USP28: variants seen among roughly 807,000 people sequenced by gnomAD.
The protein encoded by USP28 is ubiquitin specific peptidase 28, also known as ubiquitin carboxyl-terminal hydrolase 28.
A neutral mutation model predicts 145.0 loss-of-function variants in USP28; 113 were observed. The ratio of observed to expected loss-of-function variants is 0.78; its 90% CI spans 0.67 to 0.91. The LOEUF is 0.91. Among genes scored for constraint, USP28 ranks in the 40% least tolerant of loss-of-function variants. The pLI is 0.00. For missense variants in USP28, 1,201 were observed against 1,289.6 expected (o/e 0.93, Z 1.05); for synonymous variants, 447 against 450.9 (o/e 0.99, Z 0.11).
intron 1 of USP28, among the ~76,000 whole-genome samples, chr11:113,873,018 T>C (rs954331330): frequency 7.9e-5 from 12 of 152,136 alleles, no homozygotes; most frequent in African/African-American, 2.9e-4. Flanking sequence ...AACTGACCAA[T>C]AAGGGAAGGG....
intron 18 of USP28, chr11:113,807,958 T>C: frequency 3.6e-6 from 4 of 1,121,982 alleles, no homozygotes; most frequent in Non-Finnish European, 4.4e-6. Context: ...TACCTCCTCA[T>C]CATATCCATC....
At chr11:113,809,328 G>A (rs1940580931) in intron 16 of USP28, 74 bp from the exon 17 acceptor site, 5 of 1,438,150 alleles carry the variant, frequency 3.5e-6, no homozygotes, top group African/African-American at 2.8e-5. Flanking sequence ...AAGAAAGCAG[G>A]GTATTTCATC....
intron 19 of USP28, among the ~76,000 whole-genome samples, chr11:113,805,987 G>A (rs546842914): frequency 1.3e-5 from 2 of 152,084 alleles, no homozygotes; most frequent in East Asian, 1.9e-4. Flanking sequence ...GGAATGCAGT[G>A]GCACAATCAT....
At chr11:113,856,931 T>G (rs1208085278) in intron 1 of USP28, among the ~76,000 whole-genome samples, 1 of 152,188 alleles carries the variant, frequency 6.6e-6, no homozygotes, top group Non-Finnish European at 1.5e-5. Context: ...ATTTTAAAAA[T>G]CTGCTTGTCC....
At chr11:113,811,679 CTA>C (rs1346892508) in intron 16 of USP28, among the ~76,000 whole-genome samples, 2 of 150,432 alleles carry the variant, frequency 1.3e-5, no homozygotes, top group African/African-American at 4.9e-5. Flanking sequence ...CAAAGCAAGA[CTA>C]TGTCTCAAAA....
intron 3 of USP28, among the ~76,000 whole-genome samples, chr11:113,842,134 A>T (rs555895078): frequency 6.6e-6 from 1 of 152,352 alleles, no homozygotes; most frequent in East Asian, 1.9e-4. Flanking sequence ...CATACAAAAT[A>T]TTCCAGAGAA....
chr11:113,855,824 T>C (rs542138399), intron 1 of USP28, among the ~76,000 whole-genome samples: 5 of 152,220 alleles, frequency 3.3e-5, no homozygotes, highest in Admixed American at 2.6e-4. Context: ...GGCAGGAGAA[T>C]TGCTTGAACC....
rs546475587 is a variant in USP28 at position 113,854,248 on chromosome 11, G to A, written c.135+10C>T. Reference sequence around the variant, plus strand: ...AAAGCCTCCTGACTAACAGAGATCTGGAAACCAACCTTCAGAGCTTCATGG... The same window carrying A: ...AAAGCCTCCTGACTAACAGAGATCTAGAAACCAACCTTCAGAGCTTCATGG... On this transcript the variant is annotated intron_variant, in intron 2 of 24. Transcript: ENST00000003302. The A allele has an allele frequency of 1.2e-6, 2 of 1,610,364 alleles. No homozygotes were observed. Among genetic ancestry groups the A allele is most frequent in the African/African-American group, 1.4e-5 (1 of 73,266 alleles).
intron 19 of USP28, among the ~76,000 whole-genome samples, chr11:113,806,009 AC>A (rs1308632118): frequency 1.3e-5 from 2 of 151,948 alleles, no homozygotes; most frequent in Admixed American, 1.3e-4. Context: ...GTTCACTGCA[AC>A]CTTGAACACC....
At chr11:113,857,346 C>T (rs181169647) in intron 1 of USP28, among the ~76,000 whole-genome samples, 158 of 152,312 alleles carry the variant, frequency 1.0e-3, no homozygotes, top group African/African-American at 3.7e-3. Flanking sequence ...AAATCTGAAA[C>T]TGTAAACATT....
intron 11 of USP28, among the ~76,000 whole-genome samples, chr11:113,825,886 G>A (rs1369421497): frequency 6.6e-6 from 1 of 152,174 alleles, no homozygotes; most frequent in Non-Finnish European, 1.5e-5. Context: ...TTTGGGTGCT[G>A]GAATGCCCTA....
chr11:113,872,773 T>C (rs1948959364), intron 1 of USP28, among the ~76,000 whole-genome samples: 1 of 152,200 alleles, frequency 6.6e-6, no homozygotes, highest in African/African-American at 2.4e-5. Flanking sequence ...TCTCCTGTAA[T>C]AACAGTAAAT....
intron 2 of USP28, among the ~76,000 whole-genome samples, chr11:113,853,301 C>CAAAAAAAAAAAAAAAAAAAAAAAAAAAA: frequency 1.8e-5 from 1 of 54,946 alleles, no homozygotes; most frequent in Non-Finnish European, 3.1e-5. Flanking sequence ...TCTCCTGTCT[C>CAAAAAAAAAAAAAAAAAAAAAAAAAAAA]AAAAAAAAAA....
chr11:113,852,029 CTTT>C (rs953213157), intron 3 of USP28, among the ~76,000 whole-genome samples: 2 of 151,776 alleles, frequency 1.3e-5, no homozygotes, highest in South Asian at 2.1e-4. Context: ...ACAAATGAAA[CTTT>C]TTTTTTCTTT....
intron 1 of USP28, chr11:113,859,328 T>C (rs1819487023): frequency 6.6e-6 from 1 of 152,162 alleles, no homozygotes; most frequent in Admixed American, 6.6e-5. Context: ...ATAAAACACA[T>C]AGCTATTAAG....
intron 3 of USP28, among the ~76,000 whole-genome samples, chr11:113,847,878 C>T (rs1255788249): frequency 1.3e-5 from 2 of 152,174 alleles, no homozygotes; most frequent in Non-Finnish European, 2.9e-5. Flanking sequence ...GACACCCCTT[C>T]AGTGTGGACC....
At chr11:113,849,772 G>T (rs1033986630) in intron 3 of USP28, among the ~76,000 whole-genome samples, 3 of 152,178 alleles carry the variant, frequency 2.0e-5, no homozygotes, top group African/African-American at 4.8e-5. Context: ...AGTGCCGACA[G>T]CTATGGGGAG....
chr11:113,869,648 T>C (rs551115968), intron 1 of USP28, among the ~76,000 whole-genome samples: 6 of 152,246 alleles, frequency 3.9e-5, no homozygotes, highest in African/African-American at 4.8e-5. Context: ...AGTTCACACC[T>C]TGCTGGGTTT....
chr11:113,827,337 TG>T lies in USP28; in HGVS notation c.1082del (p.Pro361GlnfsTer3). On this transcript the variant is annotated frameshift_variant, in exon 11 of 25. Coordinates refer to ENST00000003302, the Ensembl canonical transcript of USP28. LOFTEE classifies it high-confidence loss of function. ...ATCTTGAGAGTTCAAAGGTCAACAC[TG>T]GAGGTAGCTTTGTAAACCAACGCTA... is the stretch of plus-strand genomic sequence containing the variant. 6.2e-7 allele frequency: 1 copy of T among 1,603,986 alleles called. No individual in the cohort carries two copies. Among genetic ancestry groups the T allele is most frequent in the African/African-American group, 1.3e-5 (1 of 74,276 alleles).
Sources: allele counts gnomAD v4.1 joint callset (sites outside exome capture counted in the v4.1 genomes callset), GRCh38; gene constraint gnomAD v4.1.1; transcripts MANE v1.5; gene names NCBI Gene and HGNC (gene_info 2026-07-23, HGNC 2026-07-21).